Variants in CFAP299 observed in about 807,000 individuals in gnomAD.
The protein encoded by CFAP299 is cilia- and flagella-associated protein 299.
CFAP299 carries 21 observed loss-of-function variants against 27.0 expected under a neutral mutation model. That is an observed-to-expected ratio of 0.78 (90% CI 0.55 to 1.12). The LOEUF (loss-of-function observed/expected upper bound fraction) is 1.12, where lower values mean the gene tolerates loss of function less well. CFAP299 is among the 50% of genes most tolerant of loss of function. The probability of loss-of-function intolerance (pLI) is 0.00; values close to 1 mark genes in which losing one functional copy is unlikely to be tolerated. For missense variants in CFAP299, 310 were observed against 276.6 expected, an observed-to-expected ratio of 1.12 and a Z score of -0.86; for synonymous variants, 104 against 98.1, an observed-to-expected ratio of 1.06 and a Z score of -0.36.
At chr4:80,882,261 A>G (rs1324641674) in intron 4 of CFAP299, among the ~76,000 whole-genome samples, 1 of 152,178 alleles carries the variant, frequency 6.6e-6, no homozygotes, top group Non-Finnish European at 1.5e-5. Context: ...GGCCAAAGGA[A>G]CCCAAATAGG....
At chr4:80,390,115 CT>C (rs1725245571) in intron 2 of CFAP299, among the ~76,000 whole-genome samples, 2 of 151,772 alleles carry the variant, frequency 1.3e-5, no homozygotes, top group Admixed American at 1.3e-4. Context: ...ATCACAATAC[CT>C]TTATTTTATG....
At chr4:80,796,060 G>T (rs1807771) in intron 3 of CFAP299, among the ~76,000 whole-genome samples, 2 of 151,960 alleles carry the variant, frequency 1.3e-5, no homozygotes. Context: ...CTCCTGTTCT[G>T]GACTCAAAAC....
At chr4:80,607,746 T>A (rs917802726) in intron 3 of CFAP299, among the ~76,000 whole-genome samples, 1 of 152,206 alleles carries the variant, frequency 6.6e-6, no homozygotes, top group African/African-American at 2.4e-5. Flanking sequence ...AGGGCATGAT[T>A]CAGAATAAAA....
At chr4:80,462,889 A>T (rs572099964) in intron 2 of CFAP299, among the ~76,000 whole-genome samples, 124 of 152,184 alleles carry the variant, frequency 8.1e-4, no homozygotes, top group African/African-American at 1.7e-3. Flanking sequence ...GGGGATTTTT[A>T]AAAAAAATCA....
chr4:80,473,571 A>C (rs1730118006), intron 2 of CFAP299, among the ~76,000 whole-genome samples: 1 of 151,978 alleles, frequency 6.6e-6, no homozygotes, highest in African/African-American at 2.4e-5. Flanking sequence ...TTATTAAAAA[A>C]AAATAGATTT....
At chr4:80,956,042 C>T (rs1436096731) in intron 5 of CFAP299, among the ~76,000 whole-genome samples, 2 of 152,178 alleles carry the variant, frequency 1.3e-5, no homozygotes, top group Non-Finnish European at 2.9e-5. Flanking sequence ...CTTTGAATTA[C>T]TCATAATTGA....
chr4:80,623,754 C>T (rs949144717), intron 3 of CFAP299, among the ~76,000 whole-genome samples: 1 of 152,116 alleles, frequency 6.6e-6, no homozygotes, highest in African/African-American at 2.4e-5. Flanking sequence ...CACAGTGTAA[C>T]CCAGCATAAG....
intron 2 of CFAP299, among the ~76,000 whole-genome samples, chr4:80,399,616 T>C (rs1272043419): frequency 6.8e-6 from 1 of 146,882 alleles, no homozygotes; most frequent in East Asian, 2.0e-4. Flanking sequence ...CCTCATGTTC[T>C]CACTCATAGG....
Position 80,504,496 on chromosome 4 carries a change from TA to T in CFAP299, c.243-78596del, listed in dbSNP as rs1560598355. ...ATATATATATATATATATATATATA[TA>T]TATATATATTTTCCTTTGAAAGAAT... On this transcript the variant is annotated intron_variant, in intron 2 of 5. Transcript: ENST00000358105. Among the ~76,000 whole-genome samples the T allele has an allele frequency of 1.8e-3, 237 of 131,312 alleles. 2 individuals carry two copies. Among genetic ancestry groups the T allele is most frequent in the Non-Finnish European group, 3.2e-3 (191 of 60,214 alleles). The allele number at this position is 131,312 out of a possible 152,430, so 86.1% of individuals were successfully genotyped here.
intron 3 of CFAP299, among the ~76,000 whole-genome samples, chr4:80,843,244 C>A (rs1282043099): frequency 6.6e-6 from 1 of 152,056 alleles, no homozygotes; most frequent in African/African-American, 2.4e-5. Context: ...TGCCACCCCA[C>A]AACAGGCCCC....
intron 3 of CFAP299, among the ~76,000 whole-genome samples, chr4:80,607,353 A>C (rs1026140682): frequency 6.6e-6 from 1 of 152,142 alleles, no homozygotes; most frequent in Non-Finnish European, 1.5e-5. Context: ...TGTATTCTCT[A>C]CTTCATAAGG....
chr4:80,674,349 C>T (rs1260501302), intron 3 of CFAP299, among the ~76,000 whole-genome samples: 1 of 152,038 alleles, frequency 6.6e-6, no homozygotes, highest in East Asian at 1.9e-4. Flanking sequence ...GAATATTGGC[C>T]CCCACTCTCT....
chr4:80,689,284 G>A (rs1476005529), intron 3 of CFAP299, among the ~76,000 whole-genome samples: 2 of 151,950 alleles, frequency 1.3e-5, no homozygotes, highest in African/African-American at 2.4e-5. Flanking sequence ...GTTAAGGGCA[G>A]CCAGAGAGAA....
At chr4:80,334,437 C>G (rs1304685781), upstream of CFAP299, among the ~76,000 whole-genome samples, 3 of 152,110 alleles carry the variant, frequency 2.0e-5, no homozygotes, top group Non-Finnish European at 4.4e-5. Context: ...ACCATCATGC[C>G]TAGCTAATTT....
chr4:80,637,151 C>A (rs2109954354), intron 3 of CFAP299, among the ~76,000 whole-genome samples: 1 of 152,106 alleles, frequency 6.6e-6, no homozygotes, highest in South Asian at 2.1e-4. Context: ...AGATCAAGAA[C>A]CTAAGTCCCA....
chr4:80,335,585 A>G, upstream of CFAP299: 1 of 599,916 alleles, frequency 1.7e-6, no homozygotes, highest in Non-Finnish European at 3.0e-6. Flanking sequence ...TTGGGTGGGT[A>G]ATTCCAGAAA....
At chr4:80,694,600 C>T (rs1720971415) in intron 3 of CFAP299, among the ~76,000 whole-genome samples, 1 of 152,090 alleles carries the variant, frequency 6.6e-6, no homozygotes, top group South Asian at 2.1e-4. Flanking sequence ...TTGTTATTTG[C>T]TAGAATAAAA....
intron 4 of CFAP299, among the ~76,000 whole-genome samples, chr4:80,911,924 A>G (rs1291977277): frequency 1.5e-5 from 2 of 129,586 alleles, no homozygotes; most frequent in Admixed American, 8.4e-5. Context: ...TCAAAAGCAA[A>G]ATTTGTCTGA....
intron 2 of CFAP299, among the ~76,000 whole-genome samples, chr4:80,472,245 TAGTAA>T (rs562557416): frequency 4.7e-4 from 71 of 152,294 alleles, no homozygotes; most frequent in African/African-American, 1.4e-3. Context: ...GTAAGTTATT[TAGTAA>T]AGTAGATAGT....
Sources: gnomAD v4.1 joint callset for allele counts (sites outside exome capture counted in the v4.1 genomes callset) on GRCh38, gnomAD v4.1.1 for gene constraint, MANE v1.5 for transcripts, NCBI Gene and HGNC (gene_info 2026-07-23, HGNC 2026-07-21) for gene names.